Variants in TRPV4 observed in about 807,000 individuals in gnomAD.
TRPV4 encodes the protein transient receptor potential cation channel subfamily V member 4.
A neutral mutation model predicts 84.1 loss-of-function variants in TRPV4; 58 were observed. The ratio of observed to expected loss-of-function variants is 0.69; its 90% confidence interval spans 0.56 to 0.86. TRPV4 has a LOEUF of 0.86. TRPV4 is among the 40% of genes least tolerant of loss of function. TRPV4 has a pLI of 0.00. For synonymous variants in TRPV4, 489 were observed against 500.9 expected (o/e 0.98, Z 0.32); for missense variants, 879 against 1,181.1 (o/e 0.74, Z 3.75).
chr12:109,813,643 G>C (rs1219791811), intron 2 of TRPV4, among the ~76,000 whole-genome samples: 3 of 152,126 alleles, frequency 2.0e-5, no homozygotes, highest in Admixed American at 2.0e-4. Flanking sequence ...GGACAGAGGG[G>C]TAAATGGGTA....
At chr12:109,821,238 C>T (rs1892088782) in intron 1 of TRPV4, among the ~76,000 whole-genome samples, 1 of 152,248 alleles carries the variant, frequency 6.6e-6, no homozygotes, top group South Asian at 2.1e-4. Flanking sequence ...TTCCACCAGG[C>T]ATCAATGCAG....
intron 1 of TRPV4, among the ~76,000 whole-genome samples, chr12:109,823,928 T>C (rs1892178669): frequency 6.9e-6 from 1 of 144,678 alleles, no homozygotes; most frequent in Non-Finnish European, 1.5e-5. Context: ...AAAGGGTTTC[T>C]TTTTTTTCTT....
chr12:109,796,555 C>T lies in TRPV4; in HGVS notation c.1302G>A (p.Leu434=). The T allele has an allele frequency of 6.2e-7, 1 of 1,614,164 alleles. No homozygotes were observed. The highest frequency in any genetic ancestry group is 8.5e-7 in the Non-Finnish European group (1 of 1,180,018). ...LDTCGEEASV[L]EILVYNSKIE... Reference sequence around the variant, plus strand: ...TCTTGCTGTTGTACACCAGGATCTCCAGCACGGAGGCCTCTTCCCCACACG... The same window carrying T: ...TCTTGCTGTTGTACACCAGGATCTCTAGCACGGAGGCCTCTTCCCCACACG... Residue 434 remains leucine, a synonymous_variant, in exon 7 of 16, where the codon CTG becomes CTA. Transcript: ENST00000261740. The surrounding 1 kb of genome is among the most constrained non-coding windows in gnomAD (Gnocchi z 4.2).
intron 1 of TRPV4, among the ~76,000 whole-genome samples, chr12:109,822,540 T>C (rs1299650428): frequency 6.6e-6 from 1 of 152,156 alleles, no homozygotes; most frequent in Non-Finnish European, 1.5e-5. Context: ...GCGAAGTCAT[T>C]TGTCTGGCAT....
intron 13 of TRPV4, among the ~76,000 whole-genome samples, chr12:109,787,095 G>T (rs1376509611): frequency 6.6e-6 from 1 of 152,198 alleles, no homozygotes; most frequent in African/African-American, 2.4e-5. Flanking sequence ...GCCTCTCAGT[G>T]AGGGAGGGGT....
intron 2 of TRPV4, 144 bp from the exon 3 acceptor site, chr12:109,808,612 G>GT (rs1223251419): frequency 1.4e-6 from 1 of 722,244 alleles, no homozygotes; most frequent in African/African-American, 1.8e-5. Context: ...TGGGGCAGAT[G>GT]TAAAAACTAA....
At chr12:109,795,728 A>G (rs1243605592) in intron 7 of TRPV4, among the ~76,000 whole-genome samples, 1 of 152,054 alleles carries the variant, frequency 6.6e-6, no homozygotes, top group Admixed American at 6.6e-5. Flanking sequence ...GGGAAAAAAA[A>G]GCTTGGTTTT....
intron 1 of TRPV4, among the ~76,000 whole-genome samples, chr12:109,818,200 A>G (rs1366281211): frequency 6.6e-6 from 1 of 152,142 alleles, no homozygotes. Context: ...ACCCTCAAAT[A>G]GATTGACCAG....
intron 1 of TRPV4, among the ~76,000 whole-genome samples, chr12:109,830,117 A>G (rs923470918): frequency 7.2e-5 from 11 of 152,076 alleles, no homozygotes; most frequent in Admixed American, 2.6e-4. Flanking sequence ...CACCCGGCCA[A>G]CTCAGGTTCC....
chr12:109,828,341 C>T (rs192303033), intron 1 of TRPV4, among the ~76,000 whole-genome samples: 176 of 152,070 alleles, frequency 1.2e-3, no homozygotes, highest in Admixed American at 1.9e-3. Flanking sequence ...GGCCAGGGCT[C>T]GGGGCAGAAA....
intron 7 of TRPV4, 137 bp from the exon 8 acceptor site, chr12:109,794,624 CGGATTCATGAAT>C (rs989843281): frequency 7.7e-6 from 7 of 908,540 alleles, no homozygotes; most frequent in Non-Finnish European, 1.2e-5. Context: ...GCTGCATTCA[CGGATTCATGAAT>C]GGATTCAGCT....
rs996231335 is a variant in TRPV4 at position 109,796,781 on chromosome 12, G to A, written c.1153-77C>T. ...GGCTGGGCCCAGCTCAGCACATGAC[G>A]CCTCCCCAGAAAACAGCTAAGCACC... On this transcript the variant is annotated intron_variant, in intron 6 of 15. Coordinates refer to ENST00000261740, the MANE Select transcript of TRPV4 (RefSeq NM_021625.5). The surrounding 1 kb of genome is among the most constrained non-coding windows in gnomAD (Gnocchi z 4.2). 38 of 1,465,644 alleles carry A rather than the reference G, an allele frequency of 2.6e-5. No individual in the cohort carries two copies. Among genetic ancestry groups the A allele is most frequent in the African/African-American group, 4.2e-5 (3 of 71,338 alleles). 90.8% of individuals were successfully genotyped at this position (1,465,644 alleles called of 1,614,324 possible). A position where few individuals can be genotyped will look rare whatever the true frequency, so the allele number is the denominator to read the frequency against.
intron 12 of TRPV4, among the ~76,000 whole-genome samples, chr12:109,791,775 C>T (rs894949256): frequency 5.3e-5 from 8 of 151,996 alleles, no homozygotes; most frequent in African/African-American, 1.7e-4. Flanking sequence ...TGAGCCACTG[C>T]GCCCGGCCAC....
At chr12:109,785,060 T>G (rs1371051937) in intron 14 of TRPV4, among the ~76,000 whole-genome samples, 1 of 152,116 alleles carries the variant, frequency 6.6e-6, no homozygotes, top group Non-Finnish European at 1.5e-5. Flanking sequence ...CTCACTCCAT[T>G]GCCCAGGCTA....
chr12:109,806,484 C>T (rs1891137371), intron 3 of TRPV4, among the ~76,000 whole-genome samples: 1 of 150,874 alleles, frequency 6.6e-6, no homozygotes, highest in South Asian at 2.1e-4. Context: ...GGATTATAGG[C>T]ATGAGCCACC....
chr12:109,796,445 C>G lies in TRPV4; in HGVS notation c.1332+80G>C, dbSNP rs547180355. The G allele has an allele frequency of 1.3e-6, 2 of 1,551,222 alleles. No individual in the cohort carries two copies. Among genetic ancestry groups the G allele is most frequent in the Non-Finnish European group, 1.8e-6 (2 of 1,136,014 alleles). On this transcript the variant is annotated intron_variant, in intron 7 of 15. Transcript: ENST00000261740. The surrounding 1 kb of genome is among the most constrained non-coding windows in gnomAD (Gnocchi z 4.2). ...TCCTAGAGGCTGGGGCTGTCTCCCC[C>G]AGCCCAGCCCCAGGGCCCTGTCCCT...
At chr12:109,785,508 T>C (rs1889631659) in intron 14 of TRPV4, among the ~76,000 whole-genome samples, 1 of 152,004 alleles carries the variant, frequency 6.6e-6, no homozygotes, top group Non-Finnish European at 1.5e-5. Flanking sequence ...AACCTCCACC[T>C]ACCAGGTTCA....
intron 1 of TRPV4, among the ~76,000 whole-genome samples, chr12:109,824,280 A>G (rs1892191393): frequency 6.6e-6 from 1 of 152,052 alleles, no homozygotes; most frequent in African/African-American, 2.4e-5. Context: ...AAGGGTTTCA[A>G]ACAAGGTCTG....
chr12:109,799,184 A>G (rs1176791649), intron 5 of TRPV4, among the ~76,000 whole-genome samples: 2 of 146,676 alleles, frequency 1.4e-5, no homozygotes, highest in Non-Finnish European at 3.0e-5. Context: ...ACAAAGTCTC[A>G]CTCTGTCGCC....
Sources: allele counts gnomAD v4.1 joint callset (sites outside exome capture counted in the v4.1 genomes callset), GRCh38; gene constraint gnomAD v4.1.1; non-coding constraint Gnocchi (gnomAD v3.1); transcripts MANE v1.5; gene names NCBI Gene and HGNC (gene_info 2026-07-23, HGNC 2026-07-21).